The following SYTL5 variants were observed in gnomAD, a reference collection of about 807,000 sequenced individuals.
SYTL5 encodes synaptotagmin-like protein 5.
SYTL5 carries 34 observed loss-of-function variants against 55.9 expected under a neutral mutation model. The ratio of observed to expected loss-of-function variants is 0.61; its 90% CI spans 0.46 to 0.81. The LOEUF (loss-of-function observed/expected upper bound fraction) is 0.81. Among genes scored for constraint, SYTL5 ranks in the 30% least tolerant of loss-of-function variants. The probability of loss-of-function intolerance (pLI) is 0.00; values close to 1 mark genes in which losing one functional copy is unlikely to be tolerated. For missense variants in SYTL5, 637 were observed against 546.7 expected, an observed-to-expected ratio of 1.17 and a Z score of -1.65; for synonymous variants, 221 against 188.7, an observed-to-expected ratio of 1.17 and a Z score of -1.40.
chrX:38,023,521 A>G (rs1477199662), intron 1 of SYTL5, among the ~76,000 whole-genome samples: 3 of 111,967 alleles, frequency 2.7e-5, no homozygotes, highest in Non-Finnish European at 5.6e-5. Context: ...ATTTACATTT[A>G]TTATGTACAT....
chrX:37,893,683 A>AT, the SYTL5 span, among the ~76,000 whole-genome samples: 14 of 81,253 alleles, frequency 1.7e-4, 1 homozygote, highest in East Asian at 6.1e-3. Flanking sequence ...ATCTATAGAT[A>AT]AACTATAGAT....
the SYTL5 span, among the ~76,000 whole-genome samples, chrX:37,947,377 A>G: frequency 9.0e-6 from 1 of 110,940 alleles, no homozygotes; most frequent in Admixed American, 9.6e-5. Flanking sequence ...TGTTCTCGTG[A>G]TATTGAGTGA....
At chrX:38,028,603 C>T (rs1300204865) in intron 1 of SYTL5, among the ~76,000 whole-genome samples, 1 of 111,777 alleles carries the variant, frequency 8.9e-6, no homozygotes, top group Non-Finnish European at 1.9e-5. Flanking sequence ...AGCAAAAAGT[C>T]AAAAAGATCA....
In SYTL5 at chrX:38,115,255, C is replaced by T. The variant is rs781154844; in HGVS notation, c.1596+4773C>T. ...ATCCCAGCACTTTGGGAGGCCGAGG[C>T]GGGCGGATCACGAGGTCAGGAGATC... is the stretch of plus-strand genomic sequence containing the variant. On this transcript the variant is annotated intron_variant, in intron 13 of 16. Coordinates refer to ENST00000297875, the MANE Select transcript of SYTL5 (RefSeq NM_138780.3). Among the ~76,000 whole-genome samples, 10 of 103,023 alleles carry T rather than the reference C, an allele frequency of 9.7e-5. No individual in the cohort carries two copies. In the South Asian group the frequency reaches 1.2e-3, roughly 13 times the overall value. The allele number at this position is 103,023 out of a possible 115,157, so 89.5% of individuals were successfully genotyped here.
chrX:37,995,661 T>C, the SYTL5 span, among the ~76,000 whole-genome samples: 1 of 112,195 alleles, frequency 8.9e-6, no homozygotes, highest in Non-Finnish European at 1.9e-5. Context: ...CCCTCTCCAC[T>C]TGCCAAAGTG....
the SYTL5 span, chrX:37,939,664 C>T: frequency 8.9e-6 from 1 of 112,431 alleles, no homozygotes; most frequent in Non-Finnish European, 1.9e-5. Context: ...TGAAAATTTC[C>T]TACATCTGAG....
At chrX:37,925,675 G>A in the SYTL5 span, among the ~76,000 whole-genome samples, 1 of 110,886 alleles carries the variant, frequency 9.0e-6, no homozygotes, top group Non-Finnish European at 1.9e-5. Flanking sequence ...GTTCTTTAGT[G>A]GTGATTTTTG....
At position 38,033,818 on chromosome X, in the gene SYTL5, T is replaced by C; in HGVS notation, c.-72T>C. 1 of 569,475 alleles carries C rather than the reference T, an allele frequency of 1.8e-6. No homozygotes were observed. The highest frequency in any genetic ancestry group is 2.9e-6 in the Non-Finnish European group (1 of 350,763). The allele number at this position is 569,475 out of a possible 1,213,427, so 46.9% of individuals were successfully genotyped here. On this transcript the variant is annotated 5_prime_UTR_variant, in exon 2 of 17. Coordinates refer to ENST00000297875, the MANE Select transcript of SYTL5 (RefSeq NM_138780.3). ...AGTGATTCTGAATTGGTTGGGGGAA[T>C]CTTAGTTGTAGATATCAATTCACCT...
intron 6 of SYTL5, among the ~76,000 whole-genome samples, chrX:38,086,768 G>A (rs372694021): frequency 8.9e-6 from 1 of 111,913 alleles, no homozygotes; most frequent in Non-Finnish European, 1.9e-5. Context: ...TTCTAAATGA[G>A]TTGGCACACA....
chrX:37,915,122 A>G, the SYTL5 span, among the ~76,000 whole-genome samples: 1 of 111,704 alleles, frequency 9.0e-6, no homozygotes, highest in African/African-American at 3.3e-5. Flanking sequence ...CACAGCACAC[A>G]GGGGCTACGT....
chrX:37,944,062 A>T, the SYTL5 span, among the ~76,000 whole-genome samples: 1 of 110,686 alleles, frequency 9.0e-6, no homozygotes, highest in African/African-American at 3.3e-5. Context: ...TGCTCCTTAT[A>T]TGTCAAGCAG....
intron 3 of SYTL5, among the ~76,000 whole-genome samples, chrX:38,060,385 T>A (rs1203615443): frequency 3.6e-5 from 4 of 112,132 alleles, no homozygotes; most frequent in Admixed American, 1.9e-4. Flanking sequence ...TTTCCCTTAA[T>A]ACTTACATGC....
At chrX:38,030,662 A>T (rs745716767) in intron 1 of SYTL5, among the ~76,000 whole-genome samples, 38 of 111,860 alleles carry the variant, frequency 3.4e-4, no homozygotes, top group African/African-American at 1.2e-3. Flanking sequence ...GGCAAAAGTC[A>T]CACAGATATC....
chrX:38,040,084 G>A (rs1025617070), intron 2 of SYTL5, among the ~76,000 whole-genome samples: 3 of 109,934 alleles, frequency 2.7e-5, no homozygotes, highest in African/African-American at 1.0e-4. Context: ...TGAGGCAGGA[G>A]AATCGCTTGA....
intron 6 of SYTL5, among the ~76,000 whole-genome samples, chrX:38,077,448 G>C (rs4827085): frequency 0.39 from 43,406 of 110,252 alleles, 8,606 homozygotes; most frequent in African/African-American, 0.77. Context: ...GATAGTACAA[G>C]TAGCAGATTT....
chrX:37,944,047 A>G, the SYTL5 span, among the ~76,000 whole-genome samples: 24 of 110,906 alleles, frequency 2.2e-4, no homozygotes, highest in African/African-American at 3.6e-4. Flanking sequence ...TCAGTTTACT[A>G]TAAATGCTCC....
At chrX:37,950,442 A>G in the SYTL5 span, among the ~76,000 whole-genome samples, 1 of 112,106 alleles carries the variant, frequency 8.9e-6, no homozygotes, top group African/African-American at 3.2e-5. Context: ...TTGATAACTT[A>G]TATGTGAATT....
the SYTL5 span, among the ~76,000 whole-genome samples, chrX:37,948,825 T>A: frequency 3.5e-4 from 39 of 111,878 alleles, no homozygotes; most frequent in Non-Finnish European, 6.6e-4. Context: ...CCACATTTTT[T>A]AAATTCATCC....
chrX:37,979,946 T>C, the SYTL5 span, among the ~76,000 whole-genome samples: 1 of 110,209 alleles, frequency 9.1e-6, no homozygotes, highest in African/African-American at 3.3e-5. Context: ...TATCTCCTAA[T>C]GCTATCCCTC....
Sources: gnomAD v4.1 joint callset for allele counts (sites outside exome capture counted in the v4.1 genomes callset) on GRCh38, gnomAD v4.1.1 for gene constraint, MANE v1.5 for transcripts, NCBI Gene and HGNC (gene_info 2026-07-23, HGNC 2026-07-21) for gene names.